The following KCNMA1 variants were observed in gnomAD, a reference collection of about 807,000 sequenced individuals.
The protein encoded by KCNMA1 is Calcium-activated potassium channel subunit alpha-1.
KCNMA1 carries 29 observed loss-of-function variants against 140.0 expected under a neutral mutation model. That is an observed-to-expected ratio of 0.21 (90% confidence interval 0.15 to 0.28). The LOEUF is 0.28. KCNMA1 is among the 10% of genes least tolerant of loss of function. The pLI, the probability that KCNMA1 is intolerant of heterozygous loss-of-function variation, is 1.00. For missense variants in KCNMA1, 880 were observed against 1,602.2 expected (o/e 0.55, Z 7.70); for synonymous variants, 612 against 611.9 (o/e 1.00, Z 0.00).
Position 77,095,198 on chromosome 10 carries a change from A to G in KCNMA1, c.1224-4688T>C, listed in dbSNP as rs146837432. 2.0e-5 allele frequency among the ~76,000 whole-genome samples: 3 copies of G among 152,290 alleles called. No individual in the cohort carries two copies. The East Asian group carries it at 5.8e-4, about 29-fold the overall frequency. ...TAGACCATCAGCGATTGTCCTGACC[A>G]ATTTCTATAGGGCCTGACCACTCAA... On this transcript the variant is annotated intron_variant, in intron 9 of 27. Transcript: ENST00000286628.
Position 77,019,076 on chromosome 10 carries a change from T to C in KCNMA1, c.1952A>G (p.His651Arg), listed in dbSNP as rs200013065. The part of the protein sequence containing the change: ...ESRILINPGN[H>R]LKIQEGTLGF... Reference sequence around the variant, plus strand: ...TAAAGTACCTTCTTGGATCTTAAGATGGTTTCCAGGATTAATTAATATACT... The same window carrying C: ...TAAAGTACCTTCTTGGATCTTAAGACGGTTTCCAGGATTAATTAATATACT... The change falls in exon 17 of 28, where the codon CAT becomes CGT. Residue 651 changes from histidine (H) to arginine (R), a missense_variant. Physicochemically the swap from His to Arg is conservative, Grantham distance 29. Coordinates refer to ENST00000286628, the MANE Select transcript of KCNMA1 (RefSeq NM_001161352.2). 2.5e-6 allele frequency: 4 copies of C among 1,582,492 alleles called. No individual in the cohort carries two copies. The highest frequency in any genetic ancestry group is 1.1e-5 in the South Asian group (1 of 90,370).
intron 20 of KCNMA1, among the ~76,000 whole-genome samples, chr10:76,966,603 G>A (rs1052225021): frequency 2.0e-5 from 3 of 152,150 alleles, no homozygotes; most frequent in Admixed American, 6.5e-5. Context: ...GAGGAAAGAC[G>A]TGGCTATCCT....
At chr10:77,528,535 G>A (rs1462336071) in intron 1 of KCNMA1, among the ~76,000 whole-genome samples, 1 of 151,804 alleles carries the variant, frequency 6.6e-6, no homozygotes, top group African/African-American at 2.4e-5. Flanking sequence ...GCTTGAACCA[G>A]GAGGCAGAGG....
chr10:77,201,572 G>A (rs1210120530), intron 3 of KCNMA1, among the ~76,000 whole-genome samples: 1 of 152,182 alleles, frequency 6.6e-6, no homozygotes, highest in African/African-American at 2.4e-5. Context: ...TTTCAAAGGA[G>A]AGTAGAACAG....
At chr10:77,038,860 C>T (rs946216127) in intron 15 of KCNMA1, among the ~76,000 whole-genome samples, 6 of 152,180 alleles carry the variant, frequency 3.9e-5, no homozygotes, top group Admixed American at 3.3e-4. Context: ...ACTGTCATGC[C>T]TCACGGCAGA....
intron 2 of KCNMA1, among the ~76,000 whole-genome samples, chr10:77,270,799 C>G (rs1600726690): frequency 2.0e-5 from 3 of 152,016 alleles, no homozygotes; most frequent in Admixed American, 2.0e-4. Context: ...CCCAAGCGCT[C>G]TTTTTAGAGG....
At chr10:77,000,875 T>TATATAG (rs2086120329) in intron 19 of KCNMA1, among the ~76,000 whole-genome samples, 1 of 85,810 alleles carries the variant, frequency 1.2e-5, no homozygotes, top group South Asian at 3.8e-4. Flanking sequence ...TATATATATA[T>TATATAG]ATATATATAT....
chr10:77,517,626 C>CA (rs112343015), intron 1 of KCNMA1, among the ~76,000 whole-genome samples: 64 of 152,280 alleles, frequency 4.2e-4, no homozygotes, highest in African/African-American at 1.2e-3. Context: ...GACAAGGACA[C>CA]AGACACTGAA....
chr10:76,944,675 T>C, intron 23 of KCNMA1, 98 bp downstream of exon 23: 1 of 1,144,332 alleles, frequency 8.7e-7, no homozygotes, highest in South Asian at 1.3e-5. Flanking sequence ...CCAGGCAGGC[T>C]GATGTGAGCC....
chr10:76,912,822 C>G (rs2050913500), intron 24 of KCNMA1: 1 of 152,142 alleles, frequency 6.6e-6, no homozygotes, highest in African/African-American at 2.4e-5. Flanking sequence ...ATTTTCCAAC[C>G]AGAGGCGTGG....
At chr10:76,896,880 C>G (rs1238561172) in intron 25 of KCNMA1, among the ~76,000 whole-genome samples, 2 of 151,728 alleles carry the variant, frequency 1.3e-5, no homozygotes, top group Non-Finnish European at 2.9e-5. Flanking sequence ...ACCACTGAAT[C>G]GTACACTTTA....
At chr10:77,167,608 C>T (rs971112758) in intron 5 of KCNMA1, among the ~76,000 whole-genome samples, 1 of 151,912 alleles carries the variant, frequency 6.6e-6, no homozygotes, top group Admixed American at 6.6e-5. Flanking sequence ...AGTTTCTTAA[C>T]CAGGGCAGAG....
At chr10:77,411,464 A>G (rs1474099337) in intron 1 of KCNMA1, among the ~76,000 whole-genome samples, 1 of 152,180 alleles carries the variant, frequency 6.6e-6, no homozygotes, top group Non-Finnish European at 1.5e-5. Flanking sequence ...TGACGTTGGT[A>G]CTAATGTCCT....
chr10:77,477,116 G>C (rs976227336), intron 1 of KCNMA1, among the ~76,000 whole-genome samples: 25 of 152,146 alleles, frequency 1.6e-4, no homozygotes, highest in African/African-American at 6.0e-4. Flanking sequence ...GTCTTCCTTG[G>C]GCCTCCATCA....
At chr10:77,023,784 T>C (rs920702905) in intron 16 of KCNMA1, among the ~76,000 whole-genome samples, 5 of 152,192 alleles carry the variant, frequency 3.3e-5, no homozygotes, top group African/African-American at 1.2e-4. Context: ...TACATGCTGC[T>C]GCTGGAGTCC....
intron 2 of KCNMA1, among the ~76,000 whole-genome samples, chr10:77,348,148 G>A (rs980075262): frequency 2.6e-5 from 4 of 152,164 alleles, no homozygotes; most frequent in Non-Finnish European, 4.4e-5. Context: ...CTTTACTACA[G>A]GACATCTATG....
chr10:77,587,533 T>A (rs1378215855), intron 1 of KCNMA1, among the ~76,000 whole-genome samples: 1 of 152,052 alleles, frequency 6.6e-6, no homozygotes, highest in Non-Finnish European at 1.5e-5. Context: ...CCTCCTAAGC[T>A]CAGAGAGATC....
chr10:77,257,653 C>T (rs1426151552), intron 2 of KCNMA1, among the ~76,000 whole-genome samples: 1 of 152,200 alleles, frequency 6.6e-6, no homozygotes, highest in Non-Finnish European at 1.5e-5. Context: ...CTGTCGCTCT[C>T]ACAATTCCCA....
At chr10:77,630,825 A>C (rs1000648426) in intron 1 of KCNMA1, among the ~76,000 whole-genome samples, 1 of 152,000 alleles carries the variant, frequency 6.6e-6, no homozygotes, top group African/African-American at 2.4e-5. Context: ...AGTTTGACTA[A>C]GCCAGGCACA....
Sources: gnomAD v4.1 joint callset for allele counts (sites outside exome capture counted in the v4.1 genomes callset) on GRCh38, gnomAD v4.1.1 for gene constraint, MANE v1.5 for transcripts, NCBI Gene and HGNC (gene_info 2026-07-23, HGNC 2026-07-21) for gene names.